TNIK: variants seen among roughly 807,000 people sequenced by gnomAD.
The protein encoded by TNIK is TRAF2 and NCK-interacting protein kinase.
A neutral mutation model predicts 191.3 loss-of-function variants in TNIK; 49 were observed. That is an observed-to-expected ratio of 0.26 (90% CI 0.20 to 0.32). The LOEUF is 0.32. Among genes scored for constraint, TNIK ranks in the 10% least tolerant of loss-of-function variants. The probability of loss-of-function intolerance (pLI) is 1.00; values close to 1 mark genes in which losing one functional copy is unlikely to be tolerated. For missense variants in TNIK, 1,155 were observed against 1,702.3 expected (o/e 0.68, Z 5.66); for synonymous variants, 594 against 600.9 (o/e 0.99, Z 0.17).
chr3:171,202,131 T>C (rs1403767577), intron 4 of TNIK, among the ~76,000 whole-genome samples: 1 of 152,148 alleles, frequency 6.6e-6, no homozygotes, highest in Non-Finnish European at 1.5e-5. Flanking sequence ...AAAGAAACGT[T>C]ACGGACATTA....
chr3:171,404,706 G>A (rs561938514), intron 1 of TNIK, among the ~76,000 whole-genome samples: 1 of 152,142 alleles, frequency 6.6e-6, no homozygotes, highest in Admixed American at 6.5e-5. Flanking sequence ...GCTCAGCAAG[G>A]AAAATACTAT....
Position 171,412,094 on chromosome 3 carries a change from T to C in TNIK, c.58-42409A>G, listed in dbSNP as rs537211586. Among the ~76,000 whole-genome samples, 6 of 152,294 alleles carry C rather than the reference T, an allele frequency of 3.9e-5. No individual in the cohort carries two copies. The South Asian group carries it at 1.2e-3, about 32-fold the overall frequency. ...CTTGAGTTGTCCTTGCTCTGCAAAGTCCAAAAACAAGGTATGGCCAGTCTA... is the reference window on the plus strand; with the variant it reads ...CTTGAGTTGTCCTTGCTCTGCAAAGCCCAAAAACAAGGTATGGCCAGTCTA... On this transcript the variant is annotated intron_variant, in intron 1 of 32. Coordinates refer to ENST00000436636, the MANE Select transcript of TNIK (RefSeq NM_015028.4).
At chr3:171,419,966 A>C (rs1723553155) in intron 1 of TNIK, among the ~76,000 whole-genome samples, 1 of 152,176 alleles carries the variant, frequency 6.6e-6, no homozygotes, top group South Asian at 2.1e-4. Context: ...CTGTTCTATG[A>C]ACATGTTTGT....
chr3:171,123,676 G>A lies in TNIK; in HGVS notation c.2040C>T (p.Ser680=), dbSNP rs941776415. The A allele has an allele frequency of 1.7e-5, 27 of 1,573,124 alleles. No individual in the cohort carries two copies. The highest frequency in any genetic ancestry group is 9.2e-5 in the East Asian group (4 of 43,540). Residue 680 remains serine, a synonymous_variant, in exon 18 of 33, where the codon TCC becomes TCT. Transcript: ENST00000436636. ...PKVPQRTTSI[S]PALARKNSPG... ...GAGAATTCTTTCTGGCTAATGCTGG[G>A]GATATAGAAGTTGTTCTTTGAGGCA...
chr3:171,241,186 ACACC>A (rs1744942535), intron 2 of TNIK, among the ~76,000 whole-genome samples: 1 of 151,916 alleles, frequency 6.6e-6, no homozygotes, highest in Admixed American at 6.6e-5. Flanking sequence ...GCGCACCACC[ACACC>A]CAGTTAATTT....
chr3:171,211,312 C>G, intron 3 of TNIK, 71 bp from the exon 4 acceptor site: 8 of 1,497,790 alleles, frequency 5.3e-6, no homozygotes, highest in Non-Finnish European at 7.1e-6. Flanking sequence ...TTCTTCAACA[C>G]CATCTAAATT....
At chr3:171,178,741 A>G (rs139055397) in intron 7 of TNIK, among the ~76,000 whole-genome samples, 1 of 152,344 alleles carries the variant, frequency 6.6e-6, no homozygotes, top group East Asian at 1.9e-4. Flanking sequence ...ATCCTAATAT[A>G]GATATTTCAT....
At chr3:171,139,666 G>T (rs1730539448) in intron 13 of TNIK, 110 bp from the exon 14 acceptor site, 16 of 717,446 alleles carry the variant, frequency 2.2e-5, no homozygotes, top group East Asian at 3.4e-5. Context: ...AGGAAGGAGG[G>T]GAAAAATACC....
chr3:171,179,898 C>T (rs1736438810), intron 7 of TNIK, among the ~76,000 whole-genome samples: 1 of 152,148 alleles, frequency 6.6e-6, no homozygotes, highest in African/African-American at 2.4e-5. Flanking sequence ...GGTCCCTGTG[C>T]TATTTTGATA....
chr3:171,108,717 ATTTAT>A (rs1182434790), intron 19 of TNIK, among the ~76,000 whole-genome samples: 1 of 152,188 alleles, frequency 6.6e-6, no homozygotes. Flanking sequence ...GGGAAAAAAA[ATTTAT>A]TTTATTTGGT....
chr3:171,075,995 C>G (rs1443444026), intron 28 of TNIK, among the ~76,000 whole-genome samples: 1 of 152,166 alleles, frequency 6.6e-6, no homozygotes, highest in Non-Finnish European at 1.5e-5. Context: ...TTTGGCCTCC[C>G]AAAGTGCTGG....
intron 12 of TNIK, among the ~76,000 whole-genome samples, chr3:171,141,904 G>A (rs1458818364): frequency 6.6e-6 from 1 of 151,936 alleles, no homozygotes; most frequent in Non-Finnish European, 1.5e-5. Context: ...GGAATAAATT[G>A]TGACTGTCTC....
Position 171,378,203 on chromosome 3 carries a change from A to G in TNIK, c.58-8518T>C, listed in dbSNP as rs570816100. Among the ~76,000 whole-genome samples the G allele has an allele frequency of 2.0e-5, 3 of 152,318 alleles. No individual in the cohort carries two copies. The East Asian group carries it at 5.8e-4, about 29-fold the overall frequency. ...TAGTTTCTTTTTTTCCTACTTTGCC[A>G]TTAGCTAGGATGAATGCTAATTACT... On this transcript the variant is annotated intron_variant, in intron 1 of 32. Transcript: ENST00000436636.
At chr3:171,333,159 TGGGA>T (rs1258269950) in intron 2 of TNIK, among the ~76,000 whole-genome samples, 1 of 151,816 alleles carries the variant, frequency 6.6e-6, no homozygotes, top group African/African-American at 2.4e-5. Context: ...GTGTTGGGGG[TGGGA>T]GGGAGTGTGT....
At chr3:171,069,109 T>A in intron 29 of TNIK, 112 bp from the exon 30 acceptor site, 1 of 1,338,164 alleles carries the variant, frequency 7.5e-7, no homozygotes, top group Non-Finnish European at 1.0e-6. Flanking sequence ...AGTGAAAAAC[T>A]AGAAAATTTC....
intron 1 of TNIK, among the ~76,000 whole-genome samples, chr3:171,426,554 T>G (rs1485612911): frequency 3.3e-5 from 5 of 150,156 alleles, no homozygotes. Context: ...TAAAGTATAA[T>G]AAATATATAT....
intron 1 of TNIK, among the ~76,000 whole-genome samples, chr3:171,409,908 A>T (rs1722163728): frequency 6.6e-6 from 1 of 151,696 alleles, no homozygotes; most frequent in South Asian, 2.1e-4. Context: ...GCCAATTTGT[A>T]GGCTTTTCCT....
At chr3:171,424,075 A>G (rs1359341610) in intron 1 of TNIK, among the ~76,000 whole-genome samples, 3 of 152,218 alleles carry the variant, frequency 2.0e-5, no homozygotes, top group African/African-American at 7.2e-5. Flanking sequence ...AATTTTTGCA[A>G]TCTACTCATC....
chr3:171,317,681 A>G (rs1048607730), intron 2 of TNIK, among the ~76,000 whole-genome samples: 2 of 152,166 alleles, frequency 1.3e-5, no homozygotes, highest in African/African-American at 2.4e-5. Flanking sequence ...TACGAACCCT[A>G]TAAGTTAGGC....
Sources: gnomAD v4.1 joint callset for allele counts (sites outside exome capture counted in the v4.1 genomes callset) on GRCh38, gnomAD v4.1.1 for gene constraint, MANE v1.5 for transcripts, NCBI Gene and HGNC (gene_info 2026-07-23, HGNC 2026-07-21) for gene names.